The following SNAPC1 variants were observed in gnomAD, a reference collection of about 807,000 sequenced individuals.
SNAPC1 encodes snRNA-activating protein complex subunit 1.
Under a neutral mutation model 50.1 loss-of-function variants are expected in SNAPC1, and 42 were observed. That is an observed-to-expected ratio of 0.84 (90% CI 0.65 to 1.08). SNAPC1 has a LOEUF of 1.08. SNAPC1 is among the 50% of genes least tolerant of loss of function. SNAPC1 has a pLI of 0.00. For synonymous variants in SNAPC1, 164 were observed against 144.2 expected, an observed-to-expected ratio of 1.14 and a Z score of -0.98; for missense variants, 477 against 427.3, an observed-to-expected ratio of 1.12 and a Z score of -1.02.
Position 61,767,326 on chromosome 14 carries a change from T to C in SNAPC1, c.403T>C (p.Phe135Leu). The C allele has an allele frequency of 6.7e-7, 1 of 1,491,904 alleles. No homozygotes were observed. Among genetic ancestry groups the C allele is most frequent in the Non-Finnish European group, 8.9e-7 (1 of 1,118,912 alleles). The allele number at this position is 1,491,904 out of a possible 1,614,324, so 92.4% of individuals were successfully genotyped here. The change falls in exon 3 of 10, where the codon TTT becomes CTT. Residue 135 changes from phenylalanine (F) to leucine (L), a missense_variant. Transcript: ENST00000216294. ...TAGGAAGCTACGACTAGACAGAGCA[T>C]TTCACTTTACAGCAATGCCCAAATT... Reference protein sequence around the residue: ...IFRKLRLDRAFHFTAMPKLLS... With the variant: ...IFRKLRLDRALHFTAMPKLLS...
At chr14:61,787,140 A>C (rs1006309211) in intron 8 of SNAPC1, among the ~76,000 whole-genome samples, 2 of 152,202 alleles carry the variant, frequency 1.3e-5, no homozygotes, top group African/African-American at 4.8e-5. Context: ...GGGGTAGGGG[A>C]AGGTATTAAA....
intron 9 of SNAPC1, 116 bp from the exon 10 acceptor site, chr14:61,794,833 A>G: frequency 4.0e-6 from 3 of 744,194 alleles, no homozygotes; most frequent in Middle Eastern, 3.8e-4. Flanking sequence ...TTAGACGTCT[A>G]TGTAGTTGAA....
In SNAPC1 at chr14:61,767,010, C is replaced by T. The variant is rs201965687; in HGVS notation, c.263C>T (p.Thr88Ile). The T allele has an allele frequency of 3.1e-6, 5 of 1,592,086 alleles. No individual in the cohort carries two copies. The highest frequency in any genetic ancestry group is 2.2e-5 in the East Asian group (1 of 44,588). Residue 88 changes from threonine (T) to isoleucine (I), a missense_variant, in exon 2 of 10, where the codon ACC (threonine) becomes ATC (isoleucine). Physicochemically the swap from Thr to Ile is moderately conservative, Grantham distance 89. Transcript: ENST00000216294. ...ALYLLYGLYN[T>I]QLCQPKQKIR... ...TATCTGCTATATGGATTATATAATA[C>T]CCAACTGTGTCAACCAAAACAAAAG...
At position 61,773,690 on chromosome 14, in the gene SNAPC1, C is replaced by T. The variant is rs576481275; in HGVS notation, c.535-2405C>T. Among the ~76,000 whole-genome samples, 17 of 137,264 alleles carry T rather than the reference C, an allele frequency of 1.2e-4. No homozygotes were observed. In the South Asian group the frequency reaches 4.3e-3, roughly 35 times the overall value. The allele number at this position is 137,264 out of a possible 152,430, so 90.1% of individuals were successfully genotyped here. ...GGATTGCAGGCGCGGGCCACCATGC[C>T]TGGCCTTTTTTTTTTTTTTATTTTT... On this transcript the variant is annotated intron_variant, in intron 4 of 9. Coordinates refer to ENST00000216294, the MANE Select transcript of SNAPC1 (RefSeq NM_003082.4).
chr14:61,767,280 T>G lies in SNAPC1; in HGVS notation c.357T>G (p.His119Gln). The G allele has an allele frequency of 6.5e-7, 1 of 1,536,608 alleles. No individual in the cohort carries two copies. The highest frequency in any genetic ancestry group is 8.8e-7 in the Non-Finnish European group (1 of 1,140,124). The stretch of plus-strand genomic sequence containing the variant: ...AGCAAGATTTAGTAAATGCACAGCA[T>G]TTTGATGCAGCTTATATTTTTAGGA... The part of the protein sequence containing the change: ...KFQQDLVNAQ[H>Q]FDAAYIFRKL... The change falls in exon 3 of 10, where the codon CAT becomes CAG. Residue 119 changes from histidine (H) to glutamine (Q), a missense_variant. Transcript: ENST00000216294.
In SNAPC1 at chr14:61,794,992, C is replaced by G; in HGVS notation, c.*9C>G. The G allele has an allele frequency of 6.4e-7, 1 of 1,554,698 alleles. No individual in the cohort carries two copies. On this transcript the variant is annotated 3_prime_UTR_variant, in exon 10 of 10. Transcript: ENST00000216294. The stretch of plus-strand genomic sequence containing the variant: ...AGAGGAGAAAACACTGAACAAAGAG[C>G]CTGGTGTAGTTTTTAATTTTGAGTT...
chr14:61,771,631 A>G (rs1397836888), intron 4 of SNAPC1, among the ~76,000 whole-genome samples: 2 of 152,204 alleles, frequency 1.3e-5, no homozygotes, highest in Admixed American at 6.5e-5. Context: ...TTGGAGAGAC[A>G]TAATGTTTAT....
At position 61,776,131 on chromosome 14, in the gene SNAPC1, A is replaced by G. The variant is rs753204789; in HGVS notation, c.571A>G (p.Lys191Glu). The change falls in exon 5 of 10, where the codon AAA becomes GAA. Residue 191 changes from lysine to glutamate, a missense_variant. By Grantham distance (56) the Lys-to-Glu change is moderately conservative. Coordinates refer to ENST00000216294, the MANE Select transcript of SNAPC1 (RefSeq NM_003082.4). ...TGTTCATGATCATTATCAGAACATG[A>G]AACATGTAATTTCAGTTGATAAGTC... ...LNVHDHYQNM[K>E]HVISVDKSKP... 7.5e-6 allele frequency: 12 copies of G among 1,606,082 alleles called. No homozygotes were observed. In the Admixed American group the frequency reaches 1.4e-4, roughly 19 times the overall value.
intron 3 of SNAPC1, among the ~76,000 whole-genome samples, chr14:61,767,961 G>A (rs950157102): frequency 3.1e-4 from 47 of 152,168 alleles, no homozygotes; most frequent in African/African-American, 1.1e-3. Context: ...TGTATTTTTA[G>A]TAGAGATGGG....
At chr14:61,784,203 C>G (rs2045098613) in intron 8 of SNAPC1, among the ~76,000 whole-genome samples, 1 of 152,136 alleles carries the variant, frequency 6.6e-6, no homozygotes, top group South Asian at 2.1e-4. Context: ...TTTCTACTTC[C>G]TTTCACAATG....
chr14:61,791,498 A>C (rs2045152006), intron 8 of SNAPC1, among the ~76,000 whole-genome samples: 2 of 152,098 alleles, frequency 1.3e-5, no homozygotes, highest in Non-Finnish European at 2.9e-5. Context: ...TTCTCCTGAC[A>C]AGTCATGGTC....
intron 1 of SNAPC1, among the ~76,000 whole-genome samples, chr14:61,763,007 T>TTTC (rs1307663852): frequency 7.3e-5 from 10 of 137,146 alleles, no homozygotes; most frequent in African/African-American, 2.7e-4. Context: ...TTTTTTTTTT[T>TTTC]TGAGACGGAG....
intron 8 of SNAPC1, among the ~76,000 whole-genome samples, chr14:61,792,314 T>TA (rs1270419704): frequency 2.6e-5 from 4 of 152,200 alleles, no homozygotes; most frequent in Non-Finnish European, 5.9e-5. Context: ...AGAGAACCTC[T>TA]AGTGTTTTTG....
chr14:61,791,864 A>C (rs1396264529), intron 8 of SNAPC1, among the ~76,000 whole-genome samples: 2 of 152,046 alleles, frequency 1.3e-5, no homozygotes, highest in Admixed American at 6.6e-5. Context: ...AAAATAGCTT[A>C]AGTGTGCGGC....
chr14:61,783,745 G>A (rs1007016281), intron 8 of SNAPC1, among the ~76,000 whole-genome samples: 1 of 151,870 alleles, frequency 6.6e-6, no homozygotes, highest in Non-Finnish European at 1.5e-5. Context: ...TCACTATGTT[G>A]GCCAGGCTGG....
At chr14:61,772,955 A>G (rs2045004269) in intron 4 of SNAPC1, among the ~76,000 whole-genome samples, 1 of 152,066 alleles carries the variant, frequency 6.6e-6, no homozygotes, top group Non-Finnish European at 1.5e-5. Flanking sequence ...TTGCTTTGAG[A>G]GCCTTGTCCC....
rs1470787609 is a variant in SNAPC1 at position 61,776,201 on chromosome 14, A to G, written c.641A>G (p.Asp214Gly). 1.2e-6 allele frequency: 2 copies of G among 1,612,836 alleles called. No individual in the cohort carries two copies. The highest frequency in any genetic ancestry group is 1.7e-6 in the Non-Finnish European group (2 of 1,179,510). Reference protein sequence around the residue: ...ALSLIKDDFFDNIKNIVLEHQ... With the variant: ...ALSLIKDDFFGNIKNIVLEHQ... ...AGCTTGATAAAGGATGATTTTTTTGACAATATTAAGAACATAGTTTTGGAG... is the reference window on the plus strand; with the variant it reads ...AGCTTGATAAAGGATGATTTTTTTGGCAATATTAAGAACATAGTTTTGGAG... The change falls in exon 5 of 10, where the codon GAC becomes GGC. Residue 214 changes from aspartate to glycine, a missense_variant. By Grantham distance (94) the Asp-to-Gly change is moderately conservative (BLOSUM62 -1). Coordinates refer to ENST00000216294, the MANE Select transcript of SNAPC1 (RefSeq NM_003082.4).
intron 8 of SNAPC1, among the ~76,000 whole-genome samples, chr14:61,786,530 TGAAAAGATGCTCTGCATCTTTAG>T (rs147028323): frequency 0.011 from 1,638 of 152,272 alleles, 26 homozygotes; most frequent in African/African-American, 0.038. Context: ...AATAATCATA[TGAAAAGATGCTCTGCATCTTTAG>T]TTACTAGAGA....
At position 61,782,437 on chromosome 14, in the gene SNAPC1, A is replaced by G. The variant is rs1453381864; in HGVS notation, c.976+40A>G. ...TCTTACTAAGATTCAACAAAGGAGAATGGGTTTTATTTACAACTTTGCCTC... is the reference window on the plus strand; with the variant it reads ...TCTTACTAAGATTCAACAAAGGAGAGTGGGTTTTATTTACAACTTTGCCTC... On this transcript the variant is annotated intron_variant, in intron 8 of 9. Coordinates refer to ENST00000216294, the MANE Select transcript of SNAPC1 (RefSeq NM_003082.4). 3 of 1,519,004 alleles carry G rather than the reference A, an allele frequency of 2.0e-6. No homozygotes were observed. In the African/African-American group the frequency reaches 4.2e-5, roughly 21 times the overall value. The allele number at this position is 1,519,004 out of a possible 1,614,324, so 94.1% of individuals were successfully genotyped here. A position where few individuals can be genotyped will look rare whatever the true frequency, so the allele number is the denominator to read the frequency against.
Sources: gnomAD v4.1 joint callset for allele counts (sites outside exome capture counted in the v4.1 genomes callset) on GRCh38, gnomAD v4.1.1 for gene constraint, MANE v1.5 for transcripts, NCBI Gene and HGNC (gene_info 2026-07-23, HGNC 2026-07-21) for gene names.